The following TMEM132D variants were observed in gnomAD, a reference collection of about 807,000 sequenced individuals.
TMEM132D encodes the protein transmembrane protein 132D.
TMEM132D carries 21 observed loss-of-function variants against 62.3 expected under a neutral mutation model. The ratio of observed to expected loss-of-function variants is 0.34; its 90% CI spans 0.24 to 0.49. The LOEUF (loss-of-function observed/expected upper bound fraction) is 0.49. Ranked by LOEUF, TMEM132D falls within the 20% of genes least tolerant of loss-of-function variation. The pLI is 0.99. For synonymous variants in TMEM132D, 621 were observed against 575.6 expected (o/e 1.08, Z -1.13); for missense variants, 1,346 against 1,402.8 (o/e 0.96, Z 0.65).
intron 4 of TMEM132D, among the ~76,000 whole-genome samples, chr12:129,258,169 A>G (rs1281074870): frequency 6.6e-6 from 1 of 152,190 alleles, no homozygotes; most frequent in African/African-American, 2.4e-5. Context: ...AAATGCCCTG[A>G]ACTTCATTAC....
chr12:129,768,413 TATCTC>T (rs1346852305), intron 1 of TMEM132D, among the ~76,000 whole-genome samples: 7 of 152,044 alleles, frequency 4.6e-5, no homozygotes. Context: ...AGGTGACAGT[TATCTC>T]ATTGTGGTGA....
At chr12:129,582,839 G>C (rs1167637803) in intron 2 of TMEM132D, among the ~76,000 whole-genome samples, 5 of 152,124 alleles carry the variant, frequency 3.3e-5, no homozygotes, top group Non-Finnish European at 7.4e-5. Flanking sequence ...TGGCCAGGCT[G>C]GTCTTGAATT....
chr12:129,146,622 T>C, intron 5 of TMEM132D, among the ~76,000 whole-genome samples: 1 of 152,202 alleles, frequency 6.6e-6, no homozygotes, highest in Non-Finnish European at 1.5e-5. Context: ...ACACACACTG[T>C]CATTTTCAGC....
intron 3 of TMEM132D, among the ~76,000 whole-genome samples, chr12:129,338,401 T>C (rs891445351): frequency 6.6e-6 from 1 of 152,176 alleles, no homozygotes; most frequent in African/African-American, 2.4e-5. Flanking sequence ...TGGGAGTCAT[T>C]GCGACAAAGA....
intron 2 of TMEM132D, among the ~76,000 whole-genome samples, chr12:129,540,925 T>C (rs1395563662): frequency 6.6e-6 from 1 of 152,254 alleles, no homozygotes; most frequent in African/African-American, 2.4e-5. Flanking sequence ...GAGCTATCAC[T>C]GTGCCCAGCT....
intron 4 of TMEM132D, among the ~76,000 whole-genome samples, chr12:129,268,322 T>C (rs1880752675): frequency 6.6e-6 from 1 of 151,590 alleles, no homozygotes; most frequent in African/African-American, 2.4e-5. Context: ...TACAAAGAAC[T>C]CAAACAAATT....
chr12:129,270,316 T>G (rs916135847), intron 4 of TMEM132D, among the ~76,000 whole-genome samples: 1 of 152,162 alleles, frequency 6.6e-6, no homozygotes, highest in Admixed American at 6.5e-5. Flanking sequence ...CTGGTTACCA[T>G]AGAAACCCTG....
chr12:129,513,924 G>A (rs1194958357), intron 3 of TMEM132D, among the ~76,000 whole-genome samples: 13 of 150,566 alleles, frequency 8.6e-5, no homozygotes, highest in East Asian at 5.9e-4. Flanking sequence ...TGCAAGCTCC[G>A]CCTCCCGGGT....
intron 2 of TMEM132D, among the ~76,000 whole-genome samples, chr12:129,594,593 A>G (rs180937740): frequency 3.9e-5 from 6 of 152,352 alleles, no homozygotes; most frequent in Admixed American, 3.3e-4. Flanking sequence ...GAACACATGC[A>G]TAGTCCAAAA....
chr12:129,169,313 T>C (rs1388805201), intron 5 of TMEM132D, among the ~76,000 whole-genome samples: 2 of 152,158 alleles, frequency 1.3e-5, no homozygotes, highest in African/African-American at 4.8e-5. Context: ...TCAAACACAA[T>C]TATCTGCTGT....
intron 1 of TMEM132D, among the ~76,000 whole-genome samples, chr12:129,848,434 T>TA (rs1391970810): frequency 1.3e-5 from 2 of 152,266 alleles, no homozygotes; most frequent in East Asian, 3.9e-4. Context: ...GGTCTTAAGA[T>TA]AAAAATGTCT....
Position 129,688,352 on chromosome 12 carries a change from A to T in TMEM132D, c.968+11458T>A, listed in dbSNP as rs376578007. 7.2e-5 allele frequency among the ~76,000 whole-genome samples: 11 copies of T among 152,300 alleles called. No homozygotes were observed. The East Asian group carries it at 1.2e-3, about 16-fold the overall frequency. On this transcript the variant is annotated intron_variant, in intron 2 of 8. Transcript: ENST00000422113. ...CAGTGATTCTCAACTCCAGCTGCAC[A>T]TAAGAATCACTGCGAGAGCTTTTTA...
At chr12:129,538,682 C>T (rs1031029238) in intron 2 of TMEM132D, among the ~76,000 whole-genome samples, 1 of 152,186 alleles carries the variant, frequency 6.6e-6, no homozygotes, top group South Asian at 2.1e-4. Context: ...TATGGCAATG[C>T]GGTCTCTCTC....
At chr12:129,212,947 C>G (rs1298593397) in intron 4 of TMEM132D, among the ~76,000 whole-genome samples, 2 of 152,128 alleles carry the variant, frequency 1.3e-5, no homozygotes, top group Admixed American at 6.5e-5. Context: ...AAATAATGAC[C>G]CATGTCTTAG....
chr12:129,220,643 A>C (rs926347841), intron 4 of TMEM132D, among the ~76,000 whole-genome samples: 4 of 152,112 alleles, frequency 2.6e-5, no homozygotes, highest in African/African-American at 9.7e-5. Context: ...CATTCTCTTA[A>C]ATATTGGAAC....
chr12:129,800,914 G>T (rs1414110206), intron 1 of TMEM132D, among the ~76,000 whole-genome samples: 2 of 152,204 alleles, frequency 1.3e-5, no homozygotes, highest in African/African-American at 4.8e-5. Context: ...AAGCACAAGG[G>T]GTCAGGGAGT....
chr12:129,235,554 G>A (rs759833209), intron 4 of TMEM132D, among the ~76,000 whole-genome samples: 3 of 152,080 alleles, frequency 2.0e-5, no homozygotes, highest in African/African-American at 4.8e-5. Context: ...TTGTGGCTGA[G>A]TAATATTTTA....
intron 3 of TMEM132D, among the ~76,000 whole-genome samples, chr12:129,391,569 C>T (rs1371038798): frequency 1.3e-5 from 2 of 152,138 alleles, no homozygotes; most frequent in Non-Finnish European, 2.9e-5. Flanking sequence ...AGAATTTCTC[C>T]CCCCGCCCTG....
intron 1 of TMEM132D, among the ~76,000 whole-genome samples, chr12:129,885,507 C>G (rs1874723697): frequency 6.6e-6 from 1 of 152,196 alleles, no homozygotes; most frequent in Non-Finnish European, 1.5e-5. Context: ...TTGGTCTACA[C>G]CGTGGCTCAG....
Sources: allele counts gnomAD v4.1 joint callset (sites outside exome capture counted in the v4.1 genomes callset), GRCh38; gene constraint gnomAD v4.1.1; transcripts MANE v1.5; gene names NCBI Gene and HGNC (gene_info 2026-07-23, HGNC 2026-07-21).